RAD51B: variants seen among roughly 807,000 people sequenced by gnomAD.
RAD51B encodes the protein RAD51 paralog B, also known as DNA repair protein RAD51 homolog 2.
In RAD51B, 38 loss-of-function variants were observed where a neutral mutation model predicts 42.2. That is an observed-to-expected ratio of 0.90 (90% CI 0.70 to 1.18). The LOEUF is 1.18. Ranked by LOEUF, RAD51B falls within the 50% of genes most tolerant of loss-of-function variation. The pLI is 0.00. For missense variants in RAD51B, 373 were observed against 400.7 expected (o/e 0.93, Z 0.59); for synonymous variants, 154 against 145.2 (o/e 1.06, Z -0.43).
intron 7 of RAD51B, among the ~76,000 whole-genome samples, chr14:68,168,119 G>A (rs1417293064): frequency 6.6e-6 from 1 of 151,934 alleles, no homozygotes; most frequent in East Asian, 1.9e-4. Context: ...CACTCCTTGG[G>A]GTGGGCCACA....
intron 7 of RAD51B, among the ~76,000 whole-genome samples, chr14:68,256,377 A>G (rs527589240): frequency 1.3e-5 from 2 of 152,324 alleles, no homozygotes; most frequent in East Asian, 3.9e-4. Flanking sequence ...AGTCACCCAG[A>G]AAAGACTTAC....
chr14:68,338,802 C>G (rs2082510969), intron 8 of RAD51B: 1 of 574,976 alleles, frequency 1.7e-6, no homozygotes, highest in South Asian at 1.5e-5. Flanking sequence ...AGACTTGAGA[C>G]CCAGGACATT....
intron 10 of RAD51B, among the ~76,000 whole-genome samples, chr14:68,608,584 T>G (rs1038822829): frequency 3.9e-5 from 6 of 152,158 alleles, no homozygotes; most frequent in African/African-American, 1.4e-4. Flanking sequence ...AGAGTACTCC[T>G]GGGCAGGCTG....
intron 7 of RAD51B, among the ~76,000 whole-genome samples, chr14:67,990,186 T>C (rs2075271059): frequency 6.6e-6 from 1 of 151,870 alleles, no homozygotes; most frequent in Admixed American, 6.6e-5. Context: ...TTAGTAGAGA[T>C]GGGGTTTCAC....
chr14:68,170,811 A>G (rs976878546), intron 7 of RAD51B, among the ~76,000 whole-genome samples: 1 of 152,212 alleles, frequency 6.6e-6, no homozygotes, highest in East Asian at 1.9e-4. Context: ...TCATGATTAT[A>G]ATTAGCAAGT....
chr14:68,111,978 A>G (rs898261391), intron 7 of RAD51B, among the ~76,000 whole-genome samples: 3 of 151,986 alleles, frequency 2.0e-5, no homozygotes, highest in Non-Finnish European at 4.4e-5. Context: ...TTATCCTCCA[A>G]AAAGCTTTAT....
intron 7 of RAD51B, among the ~76,000 whole-genome samples, chr14:67,929,076 GTC>G (rs1281695386): frequency 5.3e-5 from 8 of 151,796 alleles, no homozygotes; most frequent in African/African-American, 7.3e-5. Context: ...TGTATTTTTA[GTC>G]TCTATTTCAT....
At position 67,952,864 on chromosome 14, in the gene RAD51B, TTTTTAG is replaced by T. The variant is rs371029070; in HGVS notation, c.756+65664_756+65669del. On this transcript the variant is annotated intron_variant, in intron 7 of 10. Transcript: ENST00000471583. ...GATTCTAAAAGCAAAGGAAAAAAGTTTTTTAGTTTAGTTTAGTTTAGTTTTTTTGTT... is the reference window on the plus strand; with the variant it reads ...GATTCTAAAAGCAAAGGAAAAAAGTTTTTAGTTTAGTTTAGTTTTTTTGTT... Among the ~76,000 whole-genome samples the T allele has an allele frequency of 5.9e-5, 9 of 152,168 alleles. 1 individual carries two copies. Among genetic ancestry groups the T allele is most frequent in the African/African-American group, 2.2e-4 (9 of 41,538 alleles).
In RAD51B at chr14:68,082,162, A is replaced by G. The variant is rs536352172; in HGVS notation, c.756+194958A>G. Among the ~76,000 whole-genome samples the G allele has an allele frequency of 7.9e-5, 12 of 152,076 alleles. No individual in the cohort carries two copies. In the South Asian group the frequency reaches 1.7e-3, roughly 21 times the overall value. ...GTTTTATTAGAGATGGGGTTTCACCATGTTAGCCAGGATGGTCTCGATCTC... is the reference window on the plus strand; with the variant it reads ...GTTTTATTAGAGATGGGGTTTCACCGTGTTAGCCAGGATGGTCTCGATCTC... On this transcript the variant is annotated intron_variant, in intron 7 of 10. Coordinates refer to ENST00000471583, the MANE Select transcript of RAD51B (RefSeq NM_133510.4).
rs1229753683 is a variant in RAD51B at position 68,207,251 on chromosome 14, C to T, written c.757-84633C>T. Among the ~76,000 whole-genome samples, 5 of 152,150 alleles carry T rather than the reference C, an allele frequency of 3.3e-5. No homozygotes were observed. In the South Asian group the frequency reaches 8.3e-4, roughly 25 times the overall value. On this transcript the variant is annotated intron_variant, in intron 7 of 10. Coordinates refer to ENST00000471583, the MANE Select transcript of RAD51B (RefSeq NM_133510.4). ...ATACATATATATATAAATACACACA[C>T]ATATACACCTACATATGCATATATG...
At chr14:67,881,292 C>CA (rs2042898119) in intron 5 of RAD51B, among the ~76,000 whole-genome samples, 1 of 152,166 alleles carries the variant, frequency 6.6e-6, no homozygotes, top group Admixed American at 6.5e-5. Flanking sequence ...AAATTCTGCC[C>CA]AATGCCCAGT....
At chr14:68,056,845 G>A (rs1225902237) in intron 7 of RAD51B, among the ~76,000 whole-genome samples, 1 of 152,004 alleles carries the variant, frequency 6.6e-6, no homozygotes, top group East Asian at 1.9e-4. Context: ...TTGGGAAGCT[G>A]AGGCGGGTGG....
chr14:67,979,721 T>A (rs921551851), intron 7 of RAD51B, among the ~76,000 whole-genome samples: 12 of 152,216 alleles, frequency 7.9e-5, no homozygotes, highest in African/African-American at 1.7e-4. Context: ...TAAAGTTTTT[T>A]AAAAAATTGT....
At chr14:68,168,917 T>G (rs2078811065) in intron 7 of RAD51B, among the ~76,000 whole-genome samples, 1 of 152,062 alleles carries the variant, frequency 6.6e-6, no homozygotes, top group Admixed American at 6.6e-5. Context: ...GCAAGGCAGG[T>G]CATGTTCAGC....
At chr14:68,326,430 T>C (rs2082254294) in intron 8 of RAD51B, among the ~76,000 whole-genome samples, 1 of 152,208 alleles carries the variant, frequency 6.6e-6, no homozygotes, top group South Asian at 2.1e-4. Flanking sequence ...CACAGTGCTA[T>C]TTGCCCCACT....
chr14:67,884,887 G>A (rs1006181387), intron 5 of RAD51B, among the ~76,000 whole-genome samples: 3 of 152,020 alleles, frequency 2.0e-5, no homozygotes, highest in African/African-American at 7.3e-5. Flanking sequence ...TCTGATCATA[G>A]CAAATGTAAG....
intron 9 of RAD51B, among the ~76,000 whole-genome samples, chr14:68,456,730 T>A (rs1474561538): frequency 1.3e-5 from 2 of 152,128 alleles, no homozygotes; most frequent in South Asian, 2.1e-4. Context: ...CTATGCCAAC[T>A]AGACCTCAAA....
intron 10 of RAD51B, among the ~76,000 whole-genome samples, chr14:68,552,494 T>C (rs1888629433): frequency 6.6e-6 from 1 of 152,176 alleles, no homozygotes; most frequent in Non-Finnish European, 1.5e-5. Flanking sequence ...GATAACCCCT[T>C]GTCTCACCAG....
Position 68,365,018 on chromosome 14 carries a change from G to C in RAD51B, c.854-46406G>C, listed in dbSNP as rs145671657. On this transcript the variant is annotated intron_variant, in intron 8 of 10. Coordinates refer to ENST00000471583, the MANE Select transcript of RAD51B (RefSeq NM_133510.4). ...CTGACTGCCCTTAGCTTTGGTGAGGGAGTGAAGGTTAGCGTGGCAGGAATG... is the reference window on the plus strand; with the variant it reads ...CTGACTGCCCTTAGCTTTGGTGAGGCAGTGAAGGTTAGCGTGGCAGGAATG... 3.0e-3 allele frequency among the ~76,000 whole-genome samples: 460 copies of C among 152,274 alleles called. 3 individuals carry two copies. The highest frequency in any genetic ancestry group is 5.7e-3 in the Admixed American group (87 of 15,298).
Sources: gnomAD v4.1 joint callset for allele counts (sites outside exome capture counted in the v4.1 genomes callset) on GRCh38, gnomAD v4.1.1 for gene constraint, MANE v1.5 for transcripts, NCBI Gene and HGNC (gene_info 2026-07-23, HGNC 2026-07-21) for gene names.